The following PRDM15 variants were observed in gnomAD, a reference collection of about 807,000 sequenced individuals.
The protein encoded by PRDM15 is PR domain zinc finger protein 15.
PRDM15 carries 64 observed loss-of-function variants against 128.6 expected under a neutral mutation model. The observed-to-expected ratio is 0.50, with a 90% CI of 0.41 to 0.61. The LOEUF (loss-of-function observed/expected upper bound fraction) is 0.61. PRDM15 is among the 20% of genes least tolerant of loss of function. The probability of loss-of-function intolerance (pLI) is 0.00; values close to 1 mark genes in which losing one functional copy is unlikely to be tolerated. For missense variants in PRDM15, 1,242 were observed against 1,569.1 expected (o/e 0.79, Z 3.52); for synonymous variants, 615 against 621.8 (o/e 0.99, Z 0.16).
At position 41,828,075 on chromosome 21, in the gene PRDM15, C is replaced by T; in HGVS notation, c.1534+91G>A. On this transcript the variant is annotated intron_variant, in intron 12 of 23. Coordinates refer to ENST00000398548, the MANE Select transcript of PRDM15 (RefSeq NM_001040424.3). This position sits in a 1 kb window ranked among gnomAD's most constrained non-coding sequence, Gnocchi z 5.7. ...GGAGCAGGCGGCACCGAACTGCTCC[C>T]CAAAGGCCCTGCTGACTGCTCCATG... is the stretch of plus-strand genomic sequence containing the variant. 3.6e-6 allele frequency: 5 copies of T among 1,408,080 alleles called. No homozygotes were observed. Among genetic ancestry groups the T allele is most frequent in the Non-Finnish European group, 4.9e-6 (5 of 1,011,130 alleles). 87.2% of individuals were successfully genotyped at this position (1,408,080 alleles called of 1,614,324 possible). A position where few individuals can be genotyped will look rare whatever the true frequency, so the allele number is the denominator to read the frequency against.
At position 41,861,125 on chromosome 21, in the gene PRDM15, G is replaced by T. The variant is rs765224299; in HGVS notation, c.-9-753C>A. 9.2e-5 allele frequency among the ~76,000 whole-genome samples: 14 copies of T among 152,190 alleles called. No individual in the cohort carries two copies. In the East Asian group the frequency reaches 2.3e-3, roughly 25 times the overall value. On this transcript the variant is annotated intron_variant, in intron 1 of 23. Transcript: ENST00000398548. The stretch of plus-strand genomic sequence containing the variant: ...TGCTGGGATTATGGCACAAGCCATC[G>T]TGCCCACCTATATCACCATTTTTAA...
intron 10 of PRDM15, among the ~76,000 whole-genome samples, chr21:41,835,767 T>C (rs1049043779): frequency 7.5e-6 from 1 of 132,498 alleles, no homozygotes; most frequent in African/African-American, 2.8e-5. Flanking sequence ...CTCCTGACTC[T>C]TCCTGCTGCG....
chr21:41,865,727 G>GT (rs2145965623), intron 1 of PRDM15, among the ~76,000 whole-genome samples: 1 of 152,246 alleles, frequency 6.6e-6, no homozygotes, highest in African/African-American at 2.4e-5. Context: ...CACATGGTCT[G>GT]TTTTTTCTAC....
In PRDM15 at chr21:41,836,723, G is replaced by A. The variant is rs541033021; in HGVS notation, c.1002-74C>T. 4.2e-5 allele frequency: 56 copies of A among 1,340,000 alleles called. No homozygotes were observed. In the South Asian group the frequency reaches 6.8e-4, roughly 16 times the overall value. 83.0% of individuals were successfully genotyped at this position (1,340,000 alleles called of 1,614,324 possible). ...TCCAGGTTACAAGCAGCATGAAAAC[G>A]GCCTCCTTCCAAAACTTCCCAGCTA... On this transcript the variant is annotated intron_variant, in intron 8 of 23. Coordinates refer to ENST00000398548, the MANE Select transcript of PRDM15 (RefSeq NM_001040424.3).
chr21:41,861,003 C>G (rs1322004141), intron 1 of PRDM15, among the ~76,000 whole-genome samples: 1 of 152,128 alleles, frequency 6.6e-6, no homozygotes, highest in Non-Finnish European at 1.5e-5. Context: ...CAGGGTCTTG[C>G]TCTGTCGCCC....
chr21:41,879,208 C>T lies in PRDM15; in HGVS notation c.-10+62G>A, dbSNP rs1310691908. The T allele has an allele frequency of 2.0e-5, 15 of 761,204 alleles. No individual in the cohort carries two copies. The African/African-American group carries it at 2.5e-4, about 13-fold the overall frequency. 47.2% of individuals were successfully genotyped at this position (761,204 alleles called of 1,614,324 possible). On this transcript the variant is annotated intron_variant, in intron 1 of 23. Coordinates refer to ENST00000398548, the MANE Select transcript of PRDM15 (RefSeq NM_001040424.3). This position sits in a 1 kb window ranked among gnomAD's most constrained non-coding sequence, Gnocchi z 5.1. ...CCGGGGCTCGCGGGGGCAGCGGGTG[C>T]GGCCCGGGGCCGGCGGGGCGCACGC...
At chr21:41,841,912 C>T (rs1022998031) in intron 6 of PRDM15, among the ~76,000 whole-genome samples, 1 of 152,156 alleles carries the variant, frequency 6.6e-6, no homozygotes, top group Non-Finnish European at 1.5e-5. Flanking sequence ...TTATTAAGTG[C>T]ATATAAACTC....
At chr21:41,838,923 C>G (rs1233450728) in intron 7 of PRDM15, among the ~76,000 whole-genome samples, 1 of 152,218 alleles carries the variant, frequency 6.6e-6, no homozygotes, top group African/African-American at 2.4e-5. Flanking sequence ...TGCCCAGTGT[C>G]AGTAACAAAT....
chr21:41,824,784 T>C (rs2062409622), intron 13 of PRDM15, among the ~76,000 whole-genome samples: 1 of 152,174 alleles, frequency 6.6e-6, no homozygotes, highest in African/African-American at 2.4e-5. Context: ...CCCTGCTCAC[T>C]CATTTGCTCA....
chr21:41,828,150 G>A lies in PRDM15; in HGVS notation c.1534+16C>T. 1.9e-6 allele frequency: 3 copies of A among 1,612,084 alleles called. No homozygotes were observed. Among genetic ancestry groups the A allele is most frequent in the Non-Finnish European group, 2.5e-6 (3 of 1,179,454 alleles). ...CTGCCTCTCCCCGCCCGCAGCAGGTGCGCAGGCGGCCTCACCTTCCAGGTG... is the reference window on the plus strand; with the variant it reads ...CTGCCTCTCCCCGCCCGCAGCAGGTACGCAGGCGGCCTCACCTTCCAGGTG... On this transcript the variant is annotated intron_variant, in intron 12 of 23. Transcript: ENST00000398548. The surrounding 1 kb of genome is among the most constrained non-coding windows in gnomAD (Gnocchi z 5.7).
intron 5 of PRDM15, among the ~76,000 whole-genome samples, chr21:41,849,055 T>G (rs1057102506): frequency 6.6e-6 from 1 of 152,162 alleles, no homozygotes; most frequent in Non-Finnish European, 1.5e-5. Context: ...CAAAGAAAAG[T>G]AAGCAGTAAG....
intron 1 of PRDM15, among the ~76,000 whole-genome samples, chr21:41,864,452 C>G (rs1229656762): frequency 1.5e-5 from 2 of 136,266 alleles, no homozygotes; most frequent in African/African-American, 5.7e-5. Flanking sequence ...ATTCAGAAGG[C>G]AACAGGCAAC....
In PRDM15 at chr21:41,810,170, C is replaced by T. The variant is rs1378890373; in HGVS notation, c.2636G>A (p.Arg879Gln). 8.7e-6 allele frequency: 14 copies of T among 1,609,312 alleles called. No homozygotes were observed. The highest frequency in any genetic ancestry group is 1.6e-4 in the Middle Eastern group (1 of 6,070). Reference sequence around the variant, plus strand: ...CCAGCTCACCTCGGGGTGCTTGCGCCGCATGTGTCGGCTCATGGAGGCCCT... The same window carrying T: ...CCAGCTCACCTCGGGGTGCTTGCGCTGCATGTGTCGGCTCATGGAGGCCCT... Reference protein sequence around the residue: ...STRASMSRHMRRKHPEVLAVR... With the variant: ...STRASMSRHMQRKHPEVLAVR... Residue 879 changes from arginine to glutamine, a missense_variant, in exon 21 of 24, where the codon CGG becomes CAG. This residue lies in a region of PRDM15 where 602 missense variants were observed against 788.3 expected (regional missense o/e 0.76). Transcript: ENST00000398548. The surrounding 1 kb of genome is among the most constrained non-coding windows in gnomAD (Gnocchi z 6.4).
chr21:41,878,589 C>T, intron 1 of PRDM15: 1 of 591,182 alleles, frequency 1.7e-6, no homozygotes, highest in Non-Finnish European at 2.6e-6. Flanking sequence ...AACGGCCACC[C>T]ACCCCGGGTA....
chr21:41,825,473 G>A (rs1165820792), intron 13 of PRDM15, among the ~76,000 whole-genome samples: 3 of 152,246 alleles, frequency 2.0e-5, no homozygotes, highest in Non-Finnish European at 4.4e-5. Context: ...GGGCAGCGCC[G>A]GGCATCCACT....
At position 41,803,982 on chromosome 21, in the gene PRDM15, T is replaced by C. The variant is rs561961219; in HGVS notation, c.2733+552A>G. Among the ~76,000 whole-genome samples, 10 of 140,436 alleles carry C rather than the reference T, an allele frequency of 7.1e-5. No individual in the cohort carries two copies. In the South Asian group the frequency reaches 1.1e-3, roughly 16 times the overall value. The allele number at this position is 140,436 out of a possible 152,430, so 92.1% of individuals were successfully genotyped here. A position where few individuals can be genotyped will look rare whatever the true frequency, so the allele number is the denominator to read the frequency against. ...GTTCTGATTTTTTTTTTTTTTTTTT[T>C]CAGACACAGTCTCGCTCTGTTGCCT... On this transcript the variant is annotated intron_variant, in intron 22 of 23. Coordinates refer to ENST00000398548, the MANE Select transcript of PRDM15 (RefSeq NM_001040424.3).
chr21:41,870,415 A>G (rs2146007802), intron 1 of PRDM15, among the ~76,000 whole-genome samples: 1 of 152,230 alleles, frequency 6.6e-6, no homozygotes, highest in South Asian at 2.1e-4. Context: ...AAGCAGGAGG[A>G]GCATCTTTCC....
At chr21:41,818,039 C>A (rs1025126207) in intron 18 of PRDM15, among the ~76,000 whole-genome samples, 1 of 152,236 alleles carries the variant, frequency 6.6e-6, no homozygotes, top group African/African-American at 2.4e-5. Context: ...TCTCTGCCTG[C>A]CTAAGAGGCC....
chr21:41,828,125 C>T lies in PRDM15; in HGVS notation c.1534+41G>A, dbSNP rs1311854906. 4 of 1,605,576 alleles carry T rather than the reference C, an allele frequency of 2.5e-6. No homozygotes were observed. In the African/African-American group the frequency reaches 4.0e-5, roughly 16 times the overall value. On this transcript the variant is annotated intron_variant, in intron 12 of 23. Coordinates refer to ENST00000398548, the MANE Select transcript of PRDM15 (RefSeq NM_001040424.3). This position sits in a 1 kb window ranked among gnomAD's most constrained non-coding sequence, Gnocchi z 5.7. ...GCCGCCCTGCCCCACCCCGCAGGAG[C>T]TGCCTCTCCCCGCCCGCAGCAGGTG...
Sources: gnomAD v4.1 joint callset for allele counts (sites outside exome capture counted in the v4.1 genomes callset) on GRCh38, gnomAD v4.1.1 for gene constraint, gnomAD v4.1.1 regional missense constraint, Gnocchi (gnomAD v3.1) non-coding constraint, MANE v1.5 for transcripts, NCBI Gene and HGNC (gene_info 2026-07-23, HGNC 2026-07-21) for gene names.